The following ZNF423 variants were observed in gnomAD, a reference collection of about 807,000 sequenced individuals.
The protein encoded by ZNF423 is Ebf-associated zinc finger protein.
ZNF423 carries 12 observed loss-of-function variants against 95.8 expected under a neutral mutation model. That is an observed-to-expected ratio of 0.13 (90% confidence interval 0.08 to 0.20). The LOEUF (loss-of-function observed/expected upper bound fraction) is 0.20, where lower values mean the gene tolerates loss of function less well. Ranked by LOEUF, ZNF423 falls within the 10% of genes least tolerant of loss-of-function variation. The probability of loss-of-function intolerance (pLI) is 1.00; values close to 1 mark genes in which losing one functional copy is unlikely to be tolerated. For synonymous variants in ZNF423, 749 were observed against 711.9 expected (o/e 1.05, Z -0.83); for missense variants, 1,316 against 1,737.1 (o/e 0.76, Z 4.31).
intron 5 of ZNF423, among the ~76,000 whole-genome samples, chr16:49,615,277 C>T (rs1971840427): frequency 6.6e-6 from 1 of 152,040 alleles, no homozygotes; most frequent in Admixed American, 6.5e-5. Flanking sequence ...ATGCAAATTT[C>T]GGACAAGAAA....
intron 5 of ZNF423, among the ~76,000 whole-genome samples, chr16:49,617,746 G>A (rs1287408718): frequency 6.6e-6 from 1 of 152,094 alleles, no homozygotes; most frequent in African/African-American, 2.4e-5. Context: ...AACCCGGAAA[G>A]TCCACTGACA....
At chr16:49,770,072 G>A (rs1269725476) in intron 2 of ZNF423, among the ~76,000 whole-genome samples, 1 of 152,082 alleles carries the variant, frequency 6.6e-6, no homozygotes, top group Non-Finnish European at 1.5e-5. Flanking sequence ...TACTTTTCTA[G>A]TGCCATCTCC....
At chr16:49,747,142 G>A (rs895025731) in intron 2 of ZNF423, among the ~76,000 whole-genome samples, 2 of 152,170 alleles carry the variant, frequency 1.3e-5, no homozygotes, top group African/African-American at 4.8e-5. Flanking sequence ...CGCCGTGAGA[G>A]TATCTGCTGC....
chr16:49,748,519 T>C (rs1010344477), intron 2 of ZNF423, among the ~76,000 whole-genome samples: 1 of 151,822 alleles, frequency 6.6e-6, no homozygotes, highest in African/African-American at 2.4e-5. Flanking sequence ...CTTCCAGGAG[T>C]GCACATCGAA....
intron 4 of ZNF423, among the ~76,000 whole-genome samples, chr16:49,628,030 A>G (rs1383950871): frequency 4.1e-5 from 6 of 147,194 alleles, no homozygotes; most frequent in African/African-American, 1.5e-4. Flanking sequence ...ATACCCACCC[A>G]TCCATCTTCC....
intron 1 of ZNF423, among the ~76,000 whole-genome samples, chr16:49,803,860 G>T (rs1481962471): frequency 6.6e-6 from 1 of 151,952 alleles, no homozygotes; most frequent in Non-Finnish European, 1.5e-5. Flanking sequence ...TCAAGGTGGG[G>T]TCTCTGTCTC....
chr16:49,833,125 G>C (rs1046582002), intron 1 of ZNF423, among the ~76,000 whole-genome samples: 6 of 152,220 alleles, frequency 3.9e-5, no homozygotes, highest in African/African-American at 1.4e-4. Flanking sequence ...ATGGGACCCT[G>C]ATTGGAACTG....
intron 2 of ZNF423, among the ~76,000 whole-genome samples, chr16:49,777,404 G>A (rs1216412738): frequency 6.6e-6 from 1 of 152,154 alleles, no homozygotes; most frequent in African/African-American, 2.4e-5. Context: ...ATGTGTGCAT[G>A]CATCCTTGTG....
At position 49,761,196 on chromosome 16, in the gene ZNF423, T is replaced by C. The variant is rs1036457724; in HGVS notation, c.100+28291A>G. ...CAGCAATAAAGGGAGACAATGACAA[T>C]GTCTACCTCATAGGACTGCTGGTGG... On this transcript the variant is annotated intron_variant, in intron 2 of 7. Transcript: ENST00000563137. Among the ~76,000 whole-genome samples the C allele has an allele frequency of 1.7e-4, 26 of 152,144 alleles. 1 individual carries two copies. The highest frequency in any genetic ancestry group is 1.3e-3 in the Admixed American group (20 of 15,274).
intron 1 of ZNF423, among the ~76,000 whole-genome samples, chr16:49,849,517 T>C (rs964675099): frequency 6.6e-6 from 1 of 152,228 alleles, no homozygotes; most frequent in African/African-American, 2.4e-5. Flanking sequence ...TTAGTCACTA[T>C]ATCAATAAGA....
Position 49,638,424 on chromosome 16 carries a change from G to C in ZNF423, c.752C>G (p.Ala251Gly). Residue 251 changes from alanine to glycine, a missense_variant, in exon 4 of 8, where the codon GCC becomes GGC. This residue lies in a region of ZNF423 where 399 missense variants were observed against 478.5 expected (regional missense o/e 0.83). Transcript: ENST00000563137. This position sits in a 1 kb window ranked among gnomAD's most constrained non-coding sequence, Gnocchi z 5.6. ...STSSLQSHMQ[A>G]HKKNKEHLAK... ...CAGATGCTCCTTGTTCTTTTTGTGG[G>C]CCTGCATGTGGCTCTGCAGCGAGCT... is the stretch of plus-strand genomic sequence containing the variant. The C allele has an allele frequency of 6.2e-7, 1 of 1,613,922 alleles. No homozygotes were observed. Among genetic ancestry groups the C allele is most frequent in the Non-Finnish European group, 8.5e-7 (1 of 1,180,040 alleles).
At chr16:49,726,829 C>T (rs1223652997) in intron 3 of ZNF423, among the ~76,000 whole-genome samples, 1 of 121,800 alleles carries the variant, frequency 8.2e-6, no homozygotes, top group Non-Finnish European at 1.6e-5. Context: ...TTGAGCACTG[C>T]TATTTAAAAG....
intron 4 of ZNF423, among the ~76,000 whole-genome samples, chr16:49,629,208 T>A (rs1972410727): frequency 1.3e-5 from 2 of 152,220 alleles, no homozygotes; most frequent in South Asian, 4.1e-4. Flanking sequence ...ACTTTTAACC[T>A]ACCTGTGTCT....
chr16:49,745,588 G>C (rs1458327036), intron 2 of ZNF423, among the ~76,000 whole-genome samples: 2 of 152,224 alleles, frequency 1.3e-5, no homozygotes, highest in Admixed American at 1.3e-4. Context: ...CTATTGTGAA[G>C]ACATTTTTGA....
At chr16:49,514,900 C>T (rs777570811) in intron 7 of ZNF423, among the ~76,000 whole-genome samples, 1 of 152,216 alleles carries the variant, frequency 6.6e-6, no homozygotes, top group Admixed American at 6.5e-5. Flanking sequence ...CACACATACA[C>T]GCGCTGTGAA....
intron 5 of ZNF423, among the ~76,000 whole-genome samples, chr16:49,553,679 C>G (rs780470230): frequency 3.9e-5 from 6 of 152,252 alleles, no homozygotes; most frequent in African/African-American, 4.8e-5. Flanking sequence ...TGGGGTCTCA[C>G]TCTGTTGCCC....
rs1567532076 is a variant in ZNF423 at position 49,649,662 on chromosome 16, CACACA to C, written c.302-10793_302-10789del. ...GTACACACACACACACACACACACA[CACACA>C]CAGGGAGAGAGAGAGAGAGAGAGAG... On this transcript the variant is annotated intron_variant, in intron 3 of 7. Transcript: ENST00000563137. 7.6e-3 allele frequency among the ~76,000 whole-genome samples: 541 copies of C among 71,156 alleles called. 3 individuals carry two copies. The highest frequency in any genetic ancestry group is 0.028 in the African/African-American group (484 of 17,076). 46.7% of individuals were successfully genotyped at this position (71,156 alleles called of 152,430 possible).
At chr16:49,579,390 C>G (rs1415212567) in intron 5 of ZNF423, among the ~76,000 whole-genome samples, 3 of 152,136 alleles carry the variant, frequency 2.0e-5, no homozygotes, top group Non-Finnish European at 4.4e-5. Context: ...ACTCCACTTC[C>G]CTTCCCTCCG....
At chr16:49,592,294 A>AT (rs57272554) in intron 5 of ZNF423, among the ~76,000 whole-genome samples, 3,959 of 152,078 alleles carry the variant, frequency 0.026, 152 homozygotes, top group African/African-American at 0.075. Flanking sequence ...GTTTATCAGC[A>AT]TTTTTTTTCT....
Sources: gnomAD v4.1 joint callset for allele counts (sites outside exome capture counted in the v4.1 genomes callset) on GRCh38, gnomAD v4.1.1 for gene constraint, gnomAD v4.1.1 regional missense constraint, Gnocchi (gnomAD v3.1) non-coding constraint, MANE v1.5 for transcripts, NCBI Gene and HGNC (gene_info 2026-07-23, HGNC 2026-07-21) for gene names.